The following CPD variants were observed in gnomAD, a reference collection of about 807,000 sequenced individuals.
The protein encoded by CPD is metallocarboxypeptidase D.
Under a neutral mutation model 138.3 loss-of-function variants are expected in CPD, and 69 were observed. That is an observed-to-expected ratio of 0.50 (90% CI 0.41 to 0.61). The LOEUF is 0.61. CPD is among the 20% of genes least tolerant of loss of function. CPD has a pLI of 0.00. For missense variants in CPD, 1,432 were observed against 1,733.3 expected (o/e 0.83, Z 3.09); for synonymous variants, 651 against 642.1 (o/e 1.01, Z -0.21).
chr17:30,422,964 T>C lies in CPD; in HGVS notation c.1598T>C (p.Val533Ala). 1 of 1,614,084 alleles carries C rather than the reference T, an allele frequency of 6.2e-7. No homozygotes were observed. Among genetic ancestry groups the C allele is most frequent in the Non-Finnish European group, 8.5e-7 (1 of 1,179,944 alleles). The change falls in exon 5 of 21, where the codon GTA (valine) becomes GCA (alanine). Residue 533 changes from valine (V) to alanine (A), a missense_variant. Transcript: ENST00000225719. ...ITRLYSLGKS[V>A]ESRELYVMEI... is the part of the protein sequence containing the mutation. ...CGGCTTTATTCCTTGGGAAAATCAG[T>C]AGAGTCAAGAGAACTTTATGTGATG...
In CPD at chr17:30,449,764, A is replaced by G. The variant is rs1379737025; in HGVS notation, c.3069+16A>G. 2.6e-6 allele frequency: 4 copies of G among 1,536,526 alleles called. No homozygotes were observed. In the East Asian group the frequency reaches 9.7e-5, roughly 37 times the overall value. On this transcript the variant is annotated intron_variant, in intron 13 of 20. Transcript: ENST00000225719. ...TGTTACCCAAGTAAGAGAATAGCCG[A>G]GGTTGACATGCTTTAAAAGGAAAAA...
rs1396657863 is a variant in CPD, at chr17:30,468,727, A to G, written c.*3913A>G. ...GTCTCATAATCTTTTTTCAGATGCA[A>G]TATGCCGGAAAAAGTTATAGGTCCA... On this transcript the variant is annotated 3_prime_UTR_variant, in exon 21 of 21. Coordinates refer to ENST00000225719, the MANE Select transcript of CPD (RefSeq NM_001304.5). 2 of 152,468 alleles carry G rather than the reference A, an allele frequency of 1.3e-5. No individual in the cohort carries two copies. Among genetic ancestry groups the G allele is most frequent in the African/African-American group, 4.8e-5 (2 of 41,422 alleles). 9.4% of individuals were successfully genotyped at this position (152,468 alleles called of 1,614,324 possible).
Position 30,455,623 on chromosome 17 carries a change from A to G in CPD, c.3337+153A>G, listed in dbSNP as rs891625252. On this transcript the variant is annotated intron_variant, in intron 15 of 20. Coordinates refer to ENST00000225719, the MANE Select transcript of CPD (RefSeq NM_001304.5). ...CAAAGAAGATTGTACATACATCAGC[A>G]GTTCAGTTACTTGGAGAGCTCAGAT... 23 of 746,118 alleles carry G rather than the reference A, an allele frequency of 3.1e-5. No individual in the cohort carries two copies. In the South Asian group the frequency reaches 4.4e-4, roughly 14 times the overall value. 46.2% of individuals were successfully genotyped at this position (746,118 alleles called of 1,614,324 possible). A position where few individuals can be genotyped will look rare whatever the true frequency, so the allele number is the denominator to read the frequency against.
Position 30,379,122 on chromosome 17 carries a change from G to A in CPD, c.142G>A (p.Ala48Thr). The A allele has an allele frequency of 2.6e-6, 4 of 1,538,558 alleles. No homozygotes were observed. Among genetic ancestry groups the A allele is most frequent in the Admixed American group, 2.0e-5 (1 of 51,220 alleles). ...GACTACCACAACTACGAGCGCGGGC[G>A]CCGAGGCGGCCGAGGGCCAGTTCGA... ...EATTTTTSAG[A>T]EAAEGQFDRY... Residue 48 changes from alanine (A) to threonine (T), a missense_variant, in exon 1 of 21, where the codon GCC (alanine) becomes ACC (threonine). Transcript: ENST00000225719. The surrounding 1 kb of genome is among the most constrained non-coding windows in gnomAD (Gnocchi z 7.0).
intron 8 of CPD, among the ~76,000 whole-genome samples, chr17:30,437,408 G>T (rs930431300): frequency 1.3e-5 from 2 of 152,050 alleles, no homozygotes; most frequent in African/African-American, 4.8e-5. Flanking sequence ...TACCAAGCCC[G>T]GTGTGATGGC....
intron 2 of CPD, among the ~76,000 whole-genome samples, chr17:30,414,908 G>T (rs1912065493): frequency 6.6e-6 from 1 of 152,182 alleles, no homozygotes; most frequent in African/African-American, 2.4e-5. Flanking sequence ...TAGGCAGTTG[G>T]ATGTACAAGT....
chr17:30,438,432 G>C (rs563355095), intron 8 of CPD, among the ~76,000 whole-genome samples: 1 of 152,234 alleles, frequency 6.6e-6, no homozygotes, highest in South Asian at 2.1e-4. Context: ...TGAGGACACA[G>C]AGACACAAAC....
chr17:30,408,881 G>T (rs1347459145), intron 2 of CPD, among the ~76,000 whole-genome samples: 1 of 152,118 alleles, frequency 6.6e-6, no homozygotes, highest in Non-Finnish European at 1.5e-5. Flanking sequence ...TCCTTGTGTT[G>T]TGCCAGTTTT....
chr17:30,400,147 G>A (rs1911614970), intron 2 of CPD, among the ~76,000 whole-genome samples: 1 of 152,006 alleles, frequency 6.6e-6, no homozygotes, highest in Non-Finnish European at 1.5e-5. Context: ...TTTGGATTTA[G>A]GTCTACTTTC....
intron 1 of CPD, among the ~76,000 whole-genome samples, chr17:30,381,353 T>A (rs1158103610): frequency 6.6e-6 from 1 of 152,190 alleles, no homozygotes; most frequent in African/African-American, 2.4e-5. Context: ...GGGATGTAAA[T>A]TCTGTGCCTG....
intron 8 of CPD, among the ~76,000 whole-genome samples, 200 bp from the exon 9 acceptor site, chr17:30,438,775 G>C (rs1169674283): frequency 6.6e-6 from 1 of 152,056 alleles, no homozygotes. Context: ...AAATAGATAA[G>C]TTCAGATAGT....
At chr17:30,391,389 G>A (rs1911354008) in intron 2 of CPD, among the ~76,000 whole-genome samples, 1 of 152,074 alleles carries the variant, frequency 6.6e-6, no homozygotes, top group South Asian at 2.1e-4. Flanking sequence ...AAAATAATGA[G>A]ACCCTGTCTC....
chr17:30,449,560 C>G lies in CPD; in HGVS notation c.2881C>G (p.Gln961Glu), dbSNP rs1166358191. 6.3e-7 allele frequency: 1 copy of G among 1,591,104 alleles called. No homozygotes were observed. Among genetic ancestry groups the G allele is most frequent in the East Asian group, 2.3e-5 (1 of 43,260 alleles). Residue 961 changes from glutamine to glutamate, a missense_variant, in exon 13 of 21, where the codon CAG becomes GAG. Physicochemically the swap from Gln to Glu is conservative, Grantham distance 29 (BLOSUM62 2). Around this residue, in one of 6 missense-constraint regions of CPD, gnomAD observed 366 missense variants for 518.8 expected, o/e 0.71. Coordinates refer to ENST00000225719, the MANE Select transcript of CPD (RefSeq NM_001304.5). Reference sequence around the variant, plus strand: ...GTTTCTGGTTTTTGAAAGTTTGGGACAGAGCACTGAATATCGTCACATTTG... The same window carrying G: ...GTTTCTGGTTTTTGAAAGTTTGGGAGAGAGCACTGAATATCGTCACATTTG... ...PHITNLTNLGQSTEYRHIWSL... is the reference protein window; with the variant it reads ...PHITNLTNLGESTEYRHIWSL...
intron 13 of CPD, 109 bp from the exon 14 acceptor site, chr17:30,451,600 CTT>C: frequency 1.0e-6 from 1 of 962,920 alleles, no homozygotes; most frequent in Non-Finnish European, 1.5e-6. Flanking sequence ...TTAGTTCTGT[CTT>C]TTAAATTAAC....
intron 2 of CPD, among the ~76,000 whole-genome samples, chr17:30,387,811 G>A (rs181895739): frequency 9.8e-4 from 150 of 152,320 alleles, no homozygotes; most frequent in African/African-American, 3.5e-3. Context: ...GATCTTTGGG[G>A]TATTGCTTTT....
In CPD at chr17:30,451,633, T is replaced by G. The variant is rs1913168774; in HGVS notation, c.3070-78T>G. The stretch of plus-strand genomic sequence containing the variant: ...TTAACTATGTGTAGAATAAACAGAC[T>G]TTCTGTTTGAGGCATGAGAGGGTAC... On this transcript the variant is annotated intron_variant, in intron 13 of 20. Transcript: ENST00000225719. The G allele has an allele frequency of 3.8e-6, 5 of 1,310,970 alleles. No homozygotes were observed. In the South Asian group the frequency reaches 6.9e-5, roughly 18 times the overall value. 81.2% of individuals were successfully genotyped at this position (1,310,970 alleles called of 1,614,324 possible).
At chr17:30,440,556 A>G (rs1414531188) in intron 9 of CPD, among the ~76,000 whole-genome samples, 2 of 147,556 alleles carry the variant, frequency 1.4e-5, no homozygotes, top group East Asian at 2.0e-4. Context: ...TAACGTTTAA[A>G]TCTTTAATCC....
chr17:30,453,205 C>T (rs1450764029), intron 14 of CPD, among the ~76,000 whole-genome samples: 1 of 152,142 alleles, frequency 6.6e-6, no homozygotes, highest in East Asian at 1.9e-4. Flanking sequence ...GTCCACAGTC[C>T]AACATCTCAT....
intron 2 of CPD, among the ~76,000 whole-genome samples, chr17:30,412,627 A>T (rs576134813): frequency 2.0e-5 from 3 of 152,202 alleles, no homozygotes; most frequent in African/African-American, 7.2e-5. Flanking sequence ...TCGCAGGTTG[A>T]TCTCAGACTG....
Sources: gnomAD v4.1 joint callset for allele counts (sites outside exome capture counted in the v4.1 genomes callset) on GRCh38, gnomAD v4.1.1 for gene constraint, gnomAD v4.1.1 regional missense constraint, Gnocchi (gnomAD v3.1) non-coding constraint, MANE v1.5 for transcripts, NCBI Gene and HGNC (gene_info 2026-07-23, HGNC 2026-07-21) for gene names.